Variants in FMN1 observed in about 807,000 individuals in gnomAD.
FMN1 encodes the protein formin-1.
FMN1 carries 110 observed loss-of-function variants against 132.4 expected under a neutral mutation model. That is an observed-to-expected ratio of 0.83 (90% CI 0.71 to 0.97). FMN1 has a LOEUF of 0.97. FMN1 is among the 50% of genes least tolerant of loss of function. The pLI, the probability that FMN1 is intolerant of heterozygous loss-of-function variation, is 0.00. For synonymous variants in FMN1, 722 were observed against 651.7 expected, an observed-to-expected ratio of 1.11 and a Z score of -1.64; for missense variants, 1,792 against 1,705.3, an observed-to-expected ratio of 1.05 and a Z score of -0.90.
intron 6 of FMN1, among the ~76,000 whole-genome samples, chr15:33,055,179 A>G (rs1001420843): frequency 2.6e-5 from 4 of 152,180 alleles, no homozygotes; most frequent in Admixed American, 6.5e-5. Flanking sequence ...CTTCAACTGC[A>G]TGATAAAACC....
chr15:32,804,247 A>T (rs756507931), intron 18 of FMN1, 34 bp downstream of exon 18: 3 of 1,504,806 alleles, frequency 2.0e-6, no homozygotes, highest in Non-Finnish European at 2.7e-6. Flanking sequence ...TGGCTAGTCA[A>T]AGAAAGAACT....
At chr15:32,934,308 T>C (rs1269703751) in intron 9 of FMN1, among the ~76,000 whole-genome samples, 4 of 152,126 alleles carry the variant, frequency 2.6e-5, no homozygotes, top group Non-Finnish European at 4.4e-5. Flanking sequence ...CATTAACGTA[T>C]TTTTATAATT....
At position 33,141,241 on chromosome 15, in the gene FMN1, C is replaced by T. The variant is rs114367982; in HGVS notation, c.1867+11807G>A. Among the ~76,000 whole-genome samples the T allele has an allele frequency of 4.4e-3, 668 of 152,154 alleles. 3 individuals carry two copies. Among genetic ancestry groups the T allele is most frequent in the African/African-American group, 0.015 (637 of 41,518 alleles). ...GCCTTTAAGAAACCCTTTCCTAATCCTTCCATATTTTCTTCTAAAAGCTGT... is the reference window on the plus strand; with the variant it reads ...GCCTTTAAGAAACCCTTTCCTAATCTTTCCATATTTTCTTCTAAAAGCTGT... On this transcript the variant is annotated intron_variant, in intron 4 of 20. Transcript: ENST00000616417.
chr15:32,825,131 C>A (rs1437154533), intron 17 of FMN1, among the ~76,000 whole-genome samples: 1 of 152,236 alleles, frequency 6.6e-6, no homozygotes, highest in Non-Finnish European at 1.5e-5. Flanking sequence ...TTCCACCAGC[C>A]TGGTCCAAGA....
intron 9 of FMN1, among the ~76,000 whole-genome samples, chr15:32,932,031 G>A (rs1237582878): frequency 6.6e-6 from 1 of 152,068 alleles, no homozygotes; most frequent in Non-Finnish European, 1.5e-5. Flanking sequence ...ATATTCATAT[G>A]TTGAACCTTC....
chr15:33,054,060 G>C (rs572001408), intron 6 of FMN1, among the ~76,000 whole-genome samples: 4 of 152,150 alleles, frequency 2.6e-5, no homozygotes, highest in South Asian at 2.1e-4. Context: ...CTCTAACGAA[G>C]ATGTGAACCT....
At position 32,919,473 on chromosome 15, in the gene FMN1, C is replaced by T. The variant is rs184550320; in HGVS notation, c.3226+6701G>A. Among the ~76,000 whole-genome samples the T allele has an allele frequency of 2.5e-3, 375 of 152,226 alleles. 1 individual carries two copies. Among genetic ancestry groups the T allele is most frequent in the Middle Eastern group, 0.014 (4 of 294 alleles). ...TGTTAATAATGAGACTCATTGTAAT[C>T]GCATATTGAGCCTTGAGATATCAGG... is the stretch of plus-strand genomic sequence containing the variant. On this transcript the variant is annotated intron_variant, in intron 10 of 20. Coordinates refer to ENST00000616417, the MANE Select transcript of FMN1 (RefSeq NM_001277313.2).
At position 32,979,337 on chromosome 15, in the gene FMN1, C is replaced by T. The variant is rs938505871; in HGVS notation, c.2224-9860G>A. ...TTCGGAGGCTGAGGTGGGCAGATCA[C>T]GAGGTCAGGAGATCGAGACCATCCT... On this transcript the variant is annotated intron_variant, in intron 7 of 20. Transcript: ENST00000616417. 2.6e-5 allele frequency among the ~76,000 whole-genome samples: 4 copies of T among 152,000 alleles called. No individual in the cohort carries two copies. In the East Asian group the frequency reaches 7.7e-4, roughly 29 times the overall value.
chr15:32,792,805 G>C (rs1294663986), intron 19 of FMN1, among the ~76,000 whole-genome samples: 1 of 152,184 alleles, frequency 6.6e-6, no homozygotes, highest in Admixed American at 6.5e-5. Context: ...GGTAGCAGTA[G>C]ACCTGACGTG....
intron 17 of FMN1, among the ~76,000 whole-genome samples, chr15:32,823,449 C>G (rs1334756803): frequency 6.6e-6 from 1 of 152,070 alleles, no homozygotes; most frequent in Non-Finnish European, 1.5e-5. Context: ...CAGGTGTGAG[C>G]CACTGCGCCC....
At chr15:33,019,755 G>A (rs1194140172) in intron 6 of FMN1, among the ~76,000 whole-genome samples, 2 of 152,220 alleles carry the variant, frequency 1.3e-5, no homozygotes, top group African/African-American at 4.8e-5. Flanking sequence ...GGCAGGGCCG[G>A]CAGGCCACTC....
intron 5 of FMN1, chr15:33,067,651 C>G: frequency 6.2e-7 from 1 of 1,614,014 alleles, no homozygotes; most frequent in Non-Finnish European, 8.5e-7. Flanking sequence ...CCTGTGGATC[C>G]AAGCCATTGC....
At chr15:33,129,891 C>A (rs958537909) in intron 4 of FMN1, among the ~76,000 whole-genome samples, 2 of 150,524 alleles carry the variant, frequency 1.3e-5, no homozygotes, top group African/African-American at 4.9e-5. Flanking sequence ...CTCCCAGGTT[C>A]AAGCCATTCC....
chr15:32,813,197 A>C (rs1481514620), intron 17 of FMN1, among the ~76,000 whole-genome samples: 1 of 152,232 alleles, frequency 6.6e-6, no homozygotes, highest in Non-Finnish European at 1.5e-5. Context: ...GCATCTGTAG[A>C]GTTTAATATC....
intron 16 of FMN1, among the ~76,000 whole-genome samples, chr15:32,869,500 A>C (rs2059466427): frequency 6.6e-6 from 1 of 152,206 alleles, no homozygotes; most frequent in Non-Finnish European, 1.5e-5. Context: ...TAAGTTTGAA[A>C]TGTGAATTAG....
intron 4 of FMN1, among the ~76,000 whole-genome samples, chr15:33,097,398 A>T (rs528164946): frequency 9.8e-5 from 15 of 152,298 alleles, no homozygotes; most frequent in African/African-American, 3.4e-4. Context: ...ATTTGAAGAA[A>T]ATTATTAACC....
At chr15:32,913,982 G>A (rs1379317819) in intron 10 of FMN1, among the ~76,000 whole-genome samples, 1 of 152,130 alleles carries the variant, frequency 6.6e-6, no homozygotes, top group East Asian at 1.9e-4. Context: ...TCTGAATCAT[G>A]GTTGTTTGCT....
Position 32,908,433 on chromosome 15 carries a change from A to G in FMN1, c.3377+57T>C, listed in dbSNP as rs578108807. Reference sequence around the variant, plus strand: ...TGGTTATTCTGAGCTGGGAGACAAGAAGACAGAAATTGCAGTTCTCCTTTT... The same window carrying G: ...TGGTTATTCTGAGCTGGGAGACAAGGAGACAGAAATTGCAGTTCTCCTTTT... On this transcript the variant is annotated intron_variant, in intron 12 of 20. Coordinates refer to ENST00000616417, the MANE Select transcript of FMN1 (RefSeq NM_001277313.2). 5 of 1,130,820 alleles carry G rather than the reference A, an allele frequency of 4.4e-6. No individual in the cohort carries two copies. In the South Asian group the frequency reaches 5.0e-5, roughly 11 times the overall value. 70.0% of individuals were successfully genotyped at this position (1,130,820 alleles called of 1,614,324 possible).
At chr15:32,987,158 A>G (rs922958262) in intron 7 of FMN1, among the ~76,000 whole-genome samples, 1 of 152,074 alleles carries the variant, frequency 6.6e-6, no homozygotes, top group Non-Finnish European at 1.5e-5. Flanking sequence ...CTCATACATC[A>G]TTTTTTCTTA....
Sources: gnomAD v4.1 joint callset for allele counts (sites outside exome capture counted in the v4.1 genomes callset) on GRCh38, gnomAD v4.1.1 for gene constraint, MANE v1.5 for transcripts, NCBI Gene and HGNC (gene_info 2026-07-23, HGNC 2026-07-21) for gene names.